The following CLVS1 variants were observed in gnomAD, a reference collection of about 807,000 sequenced individuals.
CLVS1 encodes clavesin 1.
Under a neutral mutation model 33.1 loss-of-function variants are expected in CLVS1, and 10 were observed. That is an observed-to-expected ratio of 0.30 (90% CI 0.19 to 0.51). The LOEUF (loss-of-function observed/expected upper bound fraction) is 0.51, where lower values mean the gene tolerates loss of function less well. CLVS1 is among the 20% of genes least tolerant of loss of function. The pLI is 0.97. For missense variants in CLVS1, 343 were observed against 433.4 expected (o/e 0.79, Z 1.85); for synonymous variants, 163 against 166.1 (o/e 0.98, Z 0.14).
chr8:61,025,557 T>C, the CLVS1 span, among the ~76,000 whole-genome samples: 2 of 152,256 alleles, frequency 1.3e-5, no homozygotes, highest in African/African-American at 4.8e-5. Context: ...ACTCTTTTGC[T>C]AGGCTGTTGA....
intron 2 of CLVS1, among the ~76,000 whole-genome samples, chr8:61,181,571 A>T (rs1226352241): frequency 6.6e-6 from 1 of 152,302 alleles, no homozygotes; most frequent in African/African-American, 2.4e-5. Context: ...ATGCTACCTG[A>T]CTTCAAACTA....
chr8:61,413,424 A>G (rs1007878263), intron 3 of CLVS1, among the ~76,000 whole-genome samples: 1 of 152,156 alleles, frequency 6.6e-6, no homozygotes, highest in Non-Finnish European at 1.5e-5. Flanking sequence ...ATGGGGTTTT[A>G]TTCAAGGCTT....
intron 2 of CLVS1, among the ~76,000 whole-genome samples, chr8:61,273,699 C>T (rs553000616): frequency 1.3e-5 from 2 of 152,330 alleles, no homozygotes; most frequent in East Asian, 1.9e-4. Context: ...CGTGGTGCGC[C>T]GTGTTTTAAG....
intron 5 of CLVS1, among the ~76,000 whole-genome samples, chr8:61,498,995 C>G (rs1024164541): frequency 2.6e-5 from 4 of 152,132 alleles, no homozygotes; most frequent in African/African-American, 7.2e-5. Flanking sequence ...TATTTAGATG[C>G]TGGGGCAGAG....
chr8:61,413,621 C>T (rs1316057275), intron 3 of CLVS1, among the ~76,000 whole-genome samples: 1 of 152,198 alleles, frequency 6.6e-6, no homozygotes, highest in Non-Finnish European at 1.5e-5. Flanking sequence ...TTTCCCTTAA[C>T]ACCCTCCCCT....
At chr8:61,274,451 A>C (rs758512857) in intron 2 of CLVS1, among the ~76,000 whole-genome samples, 4 of 152,200 alleles carry the variant, frequency 2.6e-5, no homozygotes, top group Admixed American at 6.5e-5. Flanking sequence ...TCACTTAACC[A>C]AGGATGTACT....
At chr8:61,016,459 G>A in the CLVS1 span, among the ~76,000 whole-genome samples, 2 of 152,308 alleles carry the variant, frequency 1.3e-5, no homozygotes, top group Non-Finnish European at 2.9e-5. Context: ...TATGACTAGA[G>A]GCCACCAAAA....
At chr8:61,303,206 G>T (rs1810498865) in intron 2 of CLVS1, among the ~76,000 whole-genome samples, 1 of 152,188 alleles carries the variant, frequency 6.6e-6, no homozygotes, top group African/African-American at 2.4e-5. Flanking sequence ...AAAGAAATCA[G>T]CCATGGTAAA....
At chr8:61,056,462 T>C (rs189198785), upstream of CLVS1, among the ~76,000 whole-genome samples, 4 of 152,310 alleles carry the variant, frequency 2.6e-5, no homozygotes, top group South Asian at 4.1e-4. Context: ...TTGTAAATCA[T>C]TGGAAAGTGA....
At chr8:61,460,246 CTT>C (rs936289187) in intron 5 of CLVS1, among the ~76,000 whole-genome samples, 4 of 152,082 alleles carry the variant, frequency 2.6e-5, no homozygotes, top group Non-Finnish European at 4.4e-5. Flanking sequence ...AAAATATAAA[CTT>C]ATATAGCTCA....
the CLVS1 span, among the ~76,000 whole-genome samples, chr8:61,043,857 G>C: frequency 1.3e-5 from 2 of 152,136 alleles, no homozygotes; most frequent in Admixed American, 1.3e-4. Context: ...GGTTATAGGT[G>C]GTCCAGGGGT....
chr8:61,126,679 C>T (rs1054506235), intron 1 of CLVS1, among the ~76,000 whole-genome samples: 4 of 152,134 alleles, frequency 2.6e-5, no homozygotes, highest in Admixed American at 1.3e-4. Context: ...ATTTAAAGTC[C>T]GGGAAAATTT....
intron 2 of CLVS1, among the ~76,000 whole-genome samples, chr8:61,371,906 C>A (rs190886738): frequency 1.3e-5 from 2 of 152,188 alleles, no homozygotes; most frequent in East Asian, 1.9e-4. Flanking sequence ...TGTATAAAAT[C>A]CTTTATGGGG....
At chr8:61,089,428 C>A (rs1805189004) in intron 1 of CLVS1, among the ~76,000 whole-genome samples, 2 of 152,204 alleles carry the variant, frequency 1.3e-5, no homozygotes, top group South Asian at 4.1e-4. Context: ...CCTGCCAGAG[C>A]AGACCTCTGG....
rs549890891 is a variant in CLVS1 at position 61,121,105 on chromosome 8, C to A, written c.-242-10665C>A. Among the ~76,000 whole-genome samples the A allele has an allele frequency of 1.3e-5, 2 of 151,986 alleles. 1 individual carries two copies. The highest frequency in any genetic ancestry group is 4.2e-4 in the South Asian group (2 of 4,792). Reference sequence around the variant, plus strand: ...CCGTTTTTTAAGCCCGTGGGAAAAGCGCAGTATTCGGGTGGGAGTGACCCG... The same window carrying A: ...CCGTTTTTTAAGCCCGTGGGAAAAGAGCAGTATTCGGGTGGGAGTGACCCG... On this transcript the variant is annotated intron_variant, in intron 1 of 2. Transcript: ENST00000522621.
chr8:61,427,870 T>C (rs1815951958), intron 3 of CLVS1, among the ~76,000 whole-genome samples: 2 of 152,260 alleles, frequency 1.3e-5, no homozygotes, highest in African/African-American at 4.8e-5. Context: ...GGCACCTTTG[T>C]GCCTTCCATT....
chr8:61,419,136 T>C (rs1400073811), intron 3 of CLVS1, among the ~76,000 whole-genome samples: 1 of 152,150 alleles, frequency 6.6e-6, no homozygotes, highest in Admixed American at 6.5e-5. Flanking sequence ...TGGTGTCTCA[T>C]GTCTGTAATC....
intron 2 of CLVS1, among the ~76,000 whole-genome samples, chr8:61,218,630 T>A (rs1387285611): frequency 9.1e-6 from 1 of 110,400 alleles, no homozygotes. Flanking sequence ...AATTATTATA[T>A]GTCAATAAAA....
intron 5 of CLVS1, among the ~76,000 whole-genome samples, chr8:61,479,803 T>A (rs200287663): frequency 6.6e-6 from 1 of 152,136 alleles, no homozygotes; most frequent in African/African-American, 2.4e-5. Flanking sequence ...CTTCTAACAG[T>A]CAGGACCCTC....
Sources: allele counts gnomAD v4.1 joint callset (sites outside exome capture counted in the v4.1 genomes callset), GRCh38; gene constraint gnomAD v4.1.1; transcripts MANE v1.5; gene names NCBI Gene and HGNC (gene_info 2026-07-23, HGNC 2026-07-21).